The following PKDREJ variants were observed in gnomAD, a reference collection of about 807,000 sequenced individuals.
The protein encoded by PKDREJ is polycystin family receptor for egg jelly, also known as PKD and REJ homolog.
For synonymous variants in PKDREJ, 1,031 were observed against 1,095.5 expected (o/e 0.94, Z 1.16); for missense variants, 2,507 against 2,807.2 (o/e 0.89, Z 2.42).
In PKDREJ at chr22:46,256,379, C is replaced by T. The variant is rs1041034190; in HGVS notation, c.*182G>A. On this transcript the variant is annotated 3_prime_UTR_variant, in exon 1 of 1. Coordinates refer to ENST00000253255, the MANE Select transcript of PKDREJ (RefSeq NM_006071.2). The surrounding 1 kb of genome is among the most constrained non-coding windows in gnomAD (Gnocchi z 5.3). ...CTCCCCAGATGCTACACTACACTCC[C>T]AACTTTTACACTCCCAAGAGCAGAG... 1.9e-6 allele frequency: 2 copies of T among 1,058,828 alleles called. No individual in the cohort carries two copies. The highest frequency in any genetic ancestry group is 2.5e-5 in the East Asian group (1 of 39,364). 65.6% of individuals were successfully genotyped at this position (1,058,828 alleles called of 1,614,324 possible).
Position 46,261,078 on chromosome 22 carries a change from A to G in PKDREJ, c.2245T>C (p.Leu749=), listed in dbSNP as rs760248032. The change falls in exon 1 of 1, where the codon TTG becomes CTG. Residue 749 remains leucine, a synonymous_variant. Transcript: ENST00000253255. This position sits in a 1 kb window ranked among gnomAD's most constrained non-coding sequence, Gnocchi z 7.1. ...ATGACTACCTGGCCAATTTCTACCA[A>G]AGTGCTTACAGGAAGAAGGAAAGAC... ...DQSFLLPVST[L]VEIGQVVMTI... is the part of the protein sequence containing the mutation. 1 of 1,614,214 alleles carries G rather than the reference A, an allele frequency of 6.2e-7. No individual in the cohort carries two copies. Among genetic ancestry groups the G allele is most frequent in the South Asian group, 1.1e-5 (1 of 91,086 alleles).
In PKDREJ at chr22:46,257,878, GT is replaced by G; in HGVS notation, c.5444del (p.Asn1815ThrfsTer35). 1 of 1,614,112 alleles carries G rather than the reference GT, an allele frequency of 6.2e-7. No individual in the cohort carries two copies. The highest frequency in any genetic ancestry group is 8.5e-7 in the Non-Finnish European group (1 of 1,180,012). On this transcript the variant is annotated frameshift_variant, in exon 1 of 1. Transcript: ENST00000253255. LOFTEE classifies it low-confidence loss of function (END_TRUNC). This position sits in a 1 kb window ranked among gnomAD's most constrained non-coding sequence, Gnocchi z 4.7. ...GACAATGAATTTCTCTTCTGATGCT[GT>G]TTTGCACAAACTTTTCGGCAGGTAG... is the stretch of plus-strand genomic sequence containing the variant. ...MCLPAEKFVQ[N>X]SIRREIHCHP...
rs1366639476 is a variant in PKDREJ at position 46,256,743 on chromosome 22, T to C, written c.6580A>G (p.Thr2194Ala). Residue 2194 changes from threonine (T) to alanine (A), a missense_variant, in exon 1 of 1, where the codon ACC becomes GCC. Coordinates refer to ENST00000253255, the MANE Select transcript of PKDREJ (RefSeq NM_006071.2). This position sits in a 1 kb window ranked among gnomAD's most constrained non-coding sequence, Gnocchi z 5.3. ...GTTCTCAGCTTACGGCACAAATAGG[T>C]CATTGCTTCCACTTCATCCGATGGC... Reference protein sequence around the residue: ...EEPSDEVEAMTYLCRKLRTMF... With the variant: ...EEPSDEVEAMAYLCRKLRTMF... 1.2e-6 allele frequency: 2 copies of C among 1,613,932 alleles called. No individual in the cohort carries two copies. Among genetic ancestry groups the C allele is most frequent in the Non-Finnish European group, 1.7e-6 (2 of 1,180,026 alleles).
chr22:46,263,009 G>T lies in PKDREJ; in HGVS notation c.314C>A (p.Pro105Gln). The T allele has an allele frequency of 1.2e-5, 15 of 1,264,224 alleles. No individual in the cohort carries two copies. Among genetic ancestry groups the T allele is most frequent in the Non-Finnish European group, 1.5e-5 (15 of 996,490 alleles). 78.3% of individuals were successfully genotyped at this position (1,264,224 alleles called of 1,614,324 possible). The change falls in exon 1 of 1, where the codon CCG becomes CAG. Residue 105 changes from proline (P) to glutamine (Q), a missense_variant. Transcript: ENST00000253255. The surrounding 1 kb of genome is among the most constrained non-coding windows in gnomAD (Gnocchi z 9.4). ...GACGAGCGCGAGCGCGGGCGCGGCC[G>T]GCCAGGGCAGGCGTTGGGCGCTGAG... ...VLLSAQRLPW[P>Q]AAPALALVDL...
Position 46,257,508 on chromosome 22 carries a change from G to A in PKDREJ, c.5815C>T (p.Gln1939Ter). The part of the protein sequence containing the change: ...CSISVIFEVS[Q>*]LGVVNTSISL... ...ATGCTTGTGTTGACAACTCCTAACT[G>A]AGAGACTTCAAATATGACCGAAATG... The change falls in exon 1 of 1, where the codon CAG becomes TAG. Residue 1939 changes from glutamine to a stop codon, truncating the protein, a stop_gained. Transcript: ENST00000253255. LOFTEE classifies it low-confidence loss of function (END_TRUNC). The surrounding 1 kb of genome is among the most constrained non-coding windows in gnomAD (Gnocchi z 4.7). 6.2e-7 allele frequency: 1 copy of A among 1,614,078 alleles called. No homozygotes were observed. Among genetic ancestry groups the A allele is most frequent in the Non-Finnish European group, 8.5e-7 (1 of 1,180,008 alleles).
chr22:46,259,442 T>G lies in PKDREJ; in HGVS notation c.3881A>C (p.His1294Pro). 1 of 1,614,238 alleles carries G rather than the reference T, an allele frequency of 6.2e-7. No homozygotes were observed. The highest frequency in any genetic ancestry group is 1.7e-5 in the Admixed American group (1 of 60,026). The change falls in exon 1 of 1, where the codon CAT (histidine) becomes CCT (proline). Residue 1294 changes from histidine (H) to proline (P), a missense_variant. Transcript: ENST00000253255. This position sits in a 1 kb window ranked among gnomAD's most constrained non-coding sequence, Gnocchi z 6.8. ...GTTGTTGTGCCACACACGGATGGAA[T>G]GGATGTCCCCCAAGTCACTTTTTGT... ...LTTKSDLGDI[H>P]SIRVWHNNEG...
chr22:46,257,397 A>C lies in PKDREJ; in HGVS notation c.5926T>G (p.Leu1976Val). Residue 1976 changes from leucine (L) to valine (V), a missense_variant, in exon 1 of 1, where the codon TTA becomes GTA. Physicochemically the swap from Leu to Val is conservative, Grantham distance 32. Transcript: ENST00000253255. The surrounding 1 kb of genome is among the most constrained non-coding windows in gnomAD (Gnocchi z 4.7). ...YLYVAILIFF[L>V]AYVVDEGCII... ...CAACCCTCATCAACAACGTAGGCTA[A>C]GAAAAAAATGAGAATGGCCACATAC... The C allele has an allele frequency of 6.2e-7, 1 of 1,614,088 alleles. No individual in the cohort carries two copies. Among genetic ancestry groups the C allele is most frequent in the South Asian group, 1.1e-5 (1 of 91,052 alleles).
chr22:46,262,688 ATC>A lies in PKDREJ; in HGVS notation c.633_634del (p.Gln211HisfsTer85). 6.2e-7 allele frequency: 1 copy of A among 1,613,124 alleles called. No homozygotes were observed. The highest frequency in any genetic ancestry group is 8.5e-7 in the Non-Finnish European group (1 of 1,179,762). On this transcript the variant is annotated frameshift_variant, in exon 1 of 1. Transcript: ENST00000253255. LOFTEE classifies it low-confidence loss of function (END_TRUNC). This position sits in a 1 kb window ranked among gnomAD's most constrained non-coding sequence, Gnocchi z 8.1. Reference sequence around the variant, plus strand: ...CACGCGCTGGATGACGCAGGCGTTTATCTGACAGGACACGGACGACTCGACGG... The same window carrying A: ...CACGCGCTGGATGACGCAGGCGTTTATGACAGGACACGGACGACTCGACGG...
rs1936663011 is a variant in PKDREJ, at chr22:46,258,849, C to T, written c.4474G>A (p.Val1492Met). The change falls in exon 1 of 1, where the codon GTG becomes ATG. Residue 1492 changes from valine (V) to methionine (M), a missense_variant. Transcript: ENST00000253255. The surrounding 1 kb of genome is among the most constrained non-coding windows in gnomAD (Gnocchi z 6.1). ...GGTTTTGCAACCTCCCTGGGGTGCACCTTAGCAGTTTCGTAAGCATGCCAC... is the reference window on the plus strand; with the variant it reads ...GGTTTTGCAACCTCCCTGGGGTGCATCTTAGCAGTTTCGTAAGCATGCCAC... ...RKWHAYETAKVHPREVAKPAS... is the reference protein window; with the variant it reads ...RKWHAYETAKMHPREVAKPAS... 6.2e-7 allele frequency: 1 copy of T among 1,613,974 alleles called. No individual in the cohort carries two copies. The highest frequency in any genetic ancestry group is 8.5e-7 in the Non-Finnish European group (1 of 1,179,992).
At position 46,257,377 on chromosome 22, in the gene PKDREJ, CTCA is replaced by C; in HGVS notation, c.5943_5945del (p.Asp1981del). The C allele has an allele frequency of 6.2e-7, 1 of 1,614,008 alleles. No homozygotes were observed. The highest frequency in any genetic ancestry group is 8.5e-7 in the Non-Finnish European group (1 of 1,180,038). On this transcript the variant is annotated inframe_deletion, in exon 1 of 1. Coordinates refer to ENST00000253255, the MANE Select transcript of PKDREJ (RefSeq NM_006071.2). The surrounding 1 kb of genome is among the most constrained non-coding windows in gnomAD (Gnocchi z 4.7). ...CTCTTTCTTGCATAATGATACAACCCTCATCAACAACGTAGGCTAAGAAAAAAA... is the reference window on the plus strand; with the variant it reads ...CTCTTTCTTGCATAATGATACAACCCTCAACAACGTAGGCTAAGAAAAAAA...
At position 46,257,385 on chromosome 22, in the gene PKDREJ, C is replaced by A; in HGVS notation, c.5938G>T (p.Val1980Phe). Residue 1980 changes from valine (V) to phenylalanine (F), a missense_variant, in exon 1 of 1, where the codon GTT (valine) becomes TTT (phenylalanine). Coordinates refer to ENST00000253255, the MANE Select transcript of PKDREJ (RefSeq NM_006071.2). The surrounding 1 kb of genome is among the most constrained non-coding windows in gnomAD (Gnocchi z 4.7). ...TGCATAATGATACAACCCTCATCAA[C>A]AACGTAGGCTAAGAAAAAAATGAGA... ...AILIFFLAYV[V>F]DEGCIIMQER... 6.8e-6 allele frequency: 11 copies of A among 1,614,038 alleles called. No individual in the cohort carries two copies. The highest frequency in any genetic ancestry group is 9.3e-6 in the Non-Finnish European group (11 of 1,180,030).
chr22:46,256,883 A>C lies in PKDREJ; in HGVS notation c.6440T>G (p.Leu2147Arg). Residue 2147 changes from leucine (L) to arginine (R), a missense_variant, in exon 1 of 1, where the codon CTG becomes CGG. Transcript: ENST00000253255. This position sits in a 1 kb window ranked among gnomAD's most constrained non-coding sequence, Gnocchi z 5.3. ...GAAAGATGAGAGGAACAGGACCCCCAGAATCCTGTTATTGGAAAATTCAGT... is the reference window on the plus strand; with the variant it reads ...GAAAGATGAGAGGAACAGGACCCCCCGAATCCTGTTATTGGAAAATTCAGT... ...QNTEFSNNRI[L>R]GVLFLSSFML... 1 of 1,614,088 alleles carries C rather than the reference A, an allele frequency of 6.2e-7. No homozygotes were observed.
rs1486074762 is a variant in PKDREJ at position 46,262,659 on chromosome 22, T to A, written c.664A>T (p.Ile222Phe). ...GGGGCGCCCTTCTGGTCCGTGTTGA[T>A]CCTCACGCGCTGGATGACGCAGGCG... ...INACVIQRVR[I>F]NTDQKGAPVR... is the part of the protein sequence containing the mutation. Residue 222 changes from isoleucine to phenylalanine, a missense_variant, in exon 1 of 1, where the codon ATC (isoleucine) becomes TTC (phenylalanine). Transcript: ENST00000253255. The surrounding 1 kb of genome is among the most constrained non-coding windows in gnomAD (Gnocchi z 8.1). 6.2e-7 allele frequency: 1 copy of A among 1,613,118 alleles called. No individual in the cohort carries two copies. The highest frequency in any genetic ancestry group is 8.5e-7 in the Non-Finnish European group (1 of 1,179,760).
rs751824383 is a variant in PKDREJ at position 46,260,107 on chromosome 22, A to G, written c.3216T>C (p.Ser1072=). ...LLQLIAQHSH[S]PHCTVSIVLQ... ...GAACTATGGATACAGTACAGTGGGG[A>G]GAGTGGCTGTGCTGAGCTATGAGTT... The change falls in exon 1 of 1, where the codon TCT becomes TCC. Residue 1072 remains serine, a synonymous_variant. Coordinates refer to ENST00000253255, the MANE Select transcript of PKDREJ (RefSeq NM_006071.2). The surrounding 1 kb of genome is among the most constrained non-coding windows in gnomAD (Gnocchi z 4.5). 38 of 1,613,706 alleles carry G rather than the reference A, an allele frequency of 2.4e-5. 2 individuals are homozygous for G. The South Asian group carries it at 4.2e-4, about 18-fold the overall frequency.
At position 46,257,929 on chromosome 22, in the gene PKDREJ, T is replaced by G. The variant is rs757696701; in HGVS notation, c.5394A>C (p.Arg1798Ser). 8.1e-6 allele frequency: 13 copies of G among 1,614,138 alleles called. No homozygotes were observed. In the South Asian group the frequency reaches 1.4e-4, roughly 18 times the overall value. Reference sequence around the variant, plus strand: ...GACACATTTTTTCACTAGATTTTGCTCTCACTTGCCTCATCAATGGAAGGC... The same window carrying G: ...GACACATTTTTTCACTAGATTTTGCGCTCACTTGCCTCATCAATGGAAGGC... The part of the protein sequence containing the change: ...ILGLPLMRQV[R>S]AKSSEKMCLP... Residue 1798 changes from arginine (R) to serine (S), a missense_variant, in exon 1 of 1, where the codon AGA becomes AGC. Arg to Ser is a moderately radical substitution (Grantham distance 110). Coordinates refer to ENST00000253255, the MANE Select transcript of PKDREJ (RefSeq NM_006071.2). The surrounding 1 kb of genome is among the most constrained non-coding windows in gnomAD (Gnocchi z 4.7).
chr22:46,258,226 T>C lies in PKDREJ; in HGVS notation c.5097A>G (p.Arg1699=), dbSNP rs1936654825. The change falls in exon 1 of 1, where the codon AGA becomes AGG. Residue 1699 remains arginine (R), a synonymous_variant. Transcript: ENST00000253255. This position sits in a 1 kb window ranked among gnomAD's most constrained non-coding sequence, Gnocchi z 6.1. ...LTEDEIRIFK[R]KKRIKRRALL... ...GTGCTCTTCTCTTGATCCTCTTCTT[T>C]CTTTTGAATATTCTGATTTCATCTT... 2 of 1,614,100 alleles carry C rather than the reference T, an allele frequency of 1.2e-6. No individual in the cohort carries two copies. Among genetic ancestry groups the C allele is most frequent in the East Asian group, 2.2e-5 (1 of 44,904 alleles).
At position 46,257,303 on chromosome 22, in the gene PKDREJ, C is replaced by A. The variant is rs1936643462; in HGVS notation, c.6020G>T (p.Cys2007Phe). ...GAGCACAATCAACACAGTAAATATG[C>A]ACTTTAAAGCAAAGTTGAGCAAATT... The part of the protein sequence containing the change: ...VYNLLNFALK[C>F]IFTVLIVLFL... The change falls in exon 1 of 1, where the codon TGC (cysteine) becomes TTC (phenylalanine). Residue 2007 changes from cysteine to phenylalanine, a missense_variant. By Grantham distance (205) the Cys-to-Phe change is radical. Transcript: ENST00000253255. The surrounding 1 kb of genome is among the most constrained non-coding windows in gnomAD (Gnocchi z 4.7). 7.4e-6 allele frequency: 12 copies of A among 1,613,888 alleles called. No individual in the cohort carries two copies. The East Asian group carries it at 2.4e-4, about 33-fold the overall frequency.
In PKDREJ at chr22:46,256,715, A is replaced by G. The variant is rs147197180; in HGVS notation, c.6608T>C (p.Met2203Thr). Residue 2203 changes from methionine (M) to threonine (T), a missense_variant, in exon 1 of 1, where the codon ATG becomes ACG. By Grantham distance (81) the Met-to-Thr change is moderately conservative. Transcript: ENST00000253255. This position sits in a 1 kb window ranked among gnomAD's most constrained non-coding sequence, Gnocchi z 5.3. ...AGATTGCGAGGTCAGAAAGCTGAAC[A>G]TGGTTCTCAGCTTACGGCACAAATA... is the stretch of plus-strand genomic sequence containing the variant. ...MTYLCRKLRTMFSFLTSQSKA... is the reference protein window; with the variant it reads ...MTYLCRKLRTTFSFLTSQSKA... 155 of 1,614,162 alleles carry G rather than the reference A, an allele frequency of 9.6e-5. No individual in the cohort carries two copies. In the African/African-American group the frequency reaches 1.2e-3, roughly 12 times the overall value.
At position 46,262,502 on chromosome 22, in the gene PKDREJ, G is replaced by C; in HGVS notation, c.821C>G (p.Thr274Arg). The C allele has an allele frequency of 6.3e-7, 1 of 1,588,450 alleles. No homozygotes were observed. Among genetic ancestry groups the C allele is most frequent in the African/African-American group, 1.3e-5 (1 of 74,550 alleles). ...VPAVGQAPDW[T>R]QPLDLPQLEI... ...GAGCTGGGGCAGATCCAAGGGCTGCGTCCAGTCGGGCGCCTGACCCACGGC... is the reference window on the plus strand; with the variant it reads ...GAGCTGGGGCAGATCCAAGGGCTGCCTCCAGTCGGGCGCCTGACCCACGGC... Residue 274 changes from threonine to arginine, a missense_variant, in exon 1 of 1, where the codon ACG (threonine) becomes AGG (arginine). Thr to Arg is a moderately conservative substitution (Grantham distance 71). Coordinates refer to ENST00000253255, the MANE Select transcript of PKDREJ (RefSeq NM_006071.2). The surrounding 1 kb of genome is among the most constrained non-coding windows in gnomAD (Gnocchi z 8.1).
Sources: allele counts gnomAD v4.1 joint callset, GRCh38; gene constraint gnomAD v4.1.1; non-coding constraint Gnocchi (gnomAD v3.1); transcripts MANE v1.5; gene names NCBI Gene and HGNC (gene_info 2026-07-23, HGNC 2026-07-21).